CEP128: variants seen among roughly 807,000 people sequenced by gnomAD.
CEP128 encodes centrosomal protein 128.
A neutral mutation model predicts 156.7 loss-of-function variants in CEP128; 132 were observed. The observed-to-expected ratio is 0.84, with a 90% CI of 0.73 to 0.97. CEP128 has a LOEUF of 0.97. Ranked by LOEUF, CEP128 falls within the 50% of genes least tolerant of loss-of-function variation. CEP128 has a pLI of 0.00. For synonymous variants in CEP128, 469 were observed against 448.9 expected (o/e 1.04, Z -0.57); for missense variants, 1,252 against 1,281.9 (o/e 0.98, Z 0.36).
chr14:80,895,970 C>G (rs975843464), intron 7 of CEP128, among the ~76,000 whole-genome samples, 180 bp from the exon 8 acceptor site: 19 of 152,022 alleles, frequency 1.2e-4, no homozygotes, highest in Non-Finnish European at 2.6e-4. Context: ...TGGATCCCGC[C>G]CCCCAGATTT....
At chr14:80,944,991 C>G (rs1341316744), upstream of CEP128, among the ~76,000 whole-genome samples, 3 of 151,742 alleles carry the variant, frequency 2.0e-5, no homozygotes, top group African/African-American at 7.3e-5. Flanking sequence ...CTTTTGCAAA[C>G]CATGTATTAC....
chr14:80,537,001 AAG>A (rs1889514567), intron 21 of CEP128, among the ~76,000 whole-genome samples: 1 of 152,180 alleles, frequency 6.6e-6, no homozygotes, highest in African/African-American at 2.4e-5. Context: ...TAACATCTAA[AAG>A]AGTTTTTGTC....
rs915801292 is a variant in CEP128 at position 80,725,043 on chromosome 14, T to A, written c.2806+18032A>T. Among the ~76,000 whole-genome samples, 3 of 147,646 alleles carry A rather than the reference T, an allele frequency of 2.0e-5. No homozygotes were observed. In the Admixed American group the frequency reaches 2.0e-4, roughly 10 times the overall value. On this transcript the variant is annotated intron_variant, in intron 19 of 24. Transcript: ENST00000555265. ...TGATATATATATATATATATGTCAG[T>A]GTTTGAAAAGAACAAGGAAAACCTC... is the stretch of plus-strand genomic sequence containing the variant.
At chr14:80,648,721 C>A (rs903934440) in intron 19 of CEP128, among the ~76,000 whole-genome samples, 1 of 152,028 alleles carries the variant, frequency 6.6e-6, no homozygotes, top group African/African-American at 2.4e-5. Flanking sequence ...TTCATTAATT[C>A]ATTCATTCAT....
chr14:80,928,056 C>T (rs1018223823), intron 2 of CEP128, among the ~76,000 whole-genome samples: 7 of 152,146 alleles, frequency 4.6e-5, no homozygotes, highest in Non-Finnish European at 8.8e-5. Context: ...AAAGCCAAAA[C>T]TAGGTGACAA....
intron 19 of CEP128, among the ~76,000 whole-genome samples, chr14:80,644,007 A>G (rs1458762204): frequency 6.6e-6 from 1 of 152,102 alleles, no homozygotes; most frequent in Non-Finnish European, 1.5e-5. Context: ...ATGAGAAAAG[A>G]GAGAGATTTA....
At chr14:80,862,909 A>T in intron 8 of CEP128, 36 bp from the exon 9 acceptor site, 1 of 1,444,222 alleles carries the variant, frequency 6.9e-7, no homozygotes, top group South Asian at 1.1e-5. Flanking sequence ...AGCATTATAG[A>T]GCTAGCAAGC....
At chr14:80,565,444 G>A (rs1387897932) in intron 20 of CEP128, among the ~76,000 whole-genome samples, 1 of 152,132 alleles carries the variant, frequency 6.6e-6, no homozygotes, top group Non-Finnish European at 1.5e-5. Context: ...AGACTGATTT[G>A]AGTAATAAAA....
At chr14:80,780,608 A>G (rs145738698) in intron 15 of CEP128, among the ~76,000 whole-genome samples, 51 of 146,606 alleles carry the variant, frequency 3.5e-4, no homozygotes, top group African/African-American at 1.2e-3. Context: ...TTCTTTACAC[A>G]TAGGGAATTT....
rs542495033 is a variant in CEP128 at position 80,639,889 on chromosome 14, G to A, written c.2807-59466C>T. Among the ~76,000 whole-genome samples the A allele has an allele frequency of 5.3e-5, 8 of 152,218 alleles. No individual in the cohort carries two copies. In the South Asian group the frequency reaches 6.2e-4, roughly 12 times the overall value. On this transcript the variant is annotated intron_variant, in intron 19 of 24. Transcript: ENST00000555265. ...TGAAGAACAAACAACCAAGTTAAAC[G>A]CAGTCTCTCCAAAAACAAAGGCAAA... is the stretch of plus-strand genomic sequence containing the variant.
At chr14:80,622,191 G>C (rs938414840) in intron 19 of CEP128, among the ~76,000 whole-genome samples, 4 of 152,100 alleles carry the variant, frequency 2.6e-5, no homozygotes, top group African/African-American at 9.7e-5. Context: ...ATATGTACTG[G>C]AGTGTTTTTG....
intron 2 of CEP128, among the ~76,000 whole-genome samples, chr14:80,920,906 G>A (rs1427955210): frequency 6.6e-6 from 1 of 151,868 alleles, no homozygotes; most frequent in Non-Finnish European, 1.5e-5. Context: ...CTTTGCCCTG[G>A]TAATTACATT....
intron 19 of CEP128, among the ~76,000 whole-genome samples, chr14:80,686,098 T>C (rs553870837): frequency 1.3e-5 from 2 of 151,898 alleles, no homozygotes; most frequent in South Asian, 2.1e-4. Context: ...AAAAACAAAA[T>C]TGATTGGGGA....
At chr14:80,847,812 G>A (rs2140106313) in intron 9 of CEP128, among the ~76,000 whole-genome samples, 1 of 152,208 alleles carries the variant, frequency 6.6e-6, no homozygotes, top group Non-Finnish European at 1.5e-5. Context: ...CTAAACTAGG[G>A]GTCCCTAAAA....
At chr14:80,950,364 AAAC>A (rs1199443737) in intron 2 of CEP128, among the ~76,000 whole-genome samples, 1 of 152,206 alleles carries the variant, frequency 6.6e-6, no homozygotes, top group Non-Finnish European at 1.5e-5. Flanking sequence ...CAGCCCTAGG[AAAC>A]TAAGATAGAT....
rs900339064 is a variant in CEP128 at position 80,824,500 on chromosome 14, C to T, written c.1209+6643G>A. On this transcript the variant is annotated intron_variant, in intron 13 of 24. Coordinates refer to ENST00000555265, the MANE Select transcript of CEP128 (RefSeq NM_152446.5). ...CAGCACCCAAGTCACCTCTTGAATG[C>T]TTTGCTGCTTAAAAATTTATTCTGA... Among the ~76,000 whole-genome samples, 84 of 152,288 alleles carry T rather than the reference C, an allele frequency of 5.5e-4. 1 individual carries two copies. Among genetic ancestry groups the T allele is most frequent in the African/African-American group, 1.9e-3 (77 of 41,548 alleles).
chr14:80,598,424 A>G (rs1892434448), intron 19 of CEP128, among the ~76,000 whole-genome samples: 1 of 152,188 alleles, frequency 6.6e-6, no homozygotes, highest in Admixed American at 6.5e-5. Context: ...AAACATGTAA[A>G]GAATTTGTTT....
At chr14:80,502,257 G>C (rs1413184431) in intron 24 of CEP128, among the ~76,000 whole-genome samples, 1 of 152,132 alleles carries the variant, frequency 6.6e-6, no homozygotes, top group Non-Finnish European at 1.5e-5. Flanking sequence ...TGCTTGTCCT[G>C]CATTACTCTC....
chr14:80,480,109 G>A (rs1887022735), intron 14 of CEP128, among the ~76,000 whole-genome samples: 1 of 152,158 alleles, frequency 6.6e-6, no homozygotes, highest in Non-Finnish European at 1.5e-5. Flanking sequence ...CACGGTGCAA[G>A]CTGTTGGTGA....
Sources: gnomAD v4.1 joint callset for allele counts (sites outside exome capture counted in the v4.1 genomes callset) on GRCh38, gnomAD v4.1.1 for gene constraint, MANE v1.5 for transcripts, NCBI Gene and HGNC (gene_info 2026-07-23, HGNC 2026-07-21) for gene names.